The following RPA3 variants were observed in gnomAD, a reference collection of about 807,000 sequenced individuals.
RPA3 encodes replication protein A 14 kDa subunit.
In RPA3, 24 loss-of-function variants were observed where a neutral mutation model predicts 13.7. The observed-to-expected ratio is 1.75, with a 90% CI of 1.27 to 2.46. The LOEUF is 2.46. RPA3 is among the 30% of genes most tolerant of loss of function. The probability of loss-of-function intolerance (pLI) is 0.00; values close to 1 mark genes in which losing one functional copy is unlikely to be tolerated. For missense variants in RPA3, 183 were observed against 151.0 expected (o/e 1.21, Z -1.11); for synonymous variants, 59 against 51.2 (o/e 1.15, Z -0.65).
chr7:7,699,679 A>G (rs1240237826), intron 2 of RPA3, among the ~76,000 whole-genome samples: 1 of 152,244 alleles, frequency 6.6e-6, no homozygotes, highest in African/African-American at 2.4e-5. Context: ...CCCTAAAGCT[A>G]TATTGAGTGA....
In RPA3 at chr7:7,718,597, C is replaced by G. The variant is rs1563152240; in HGVS notation, c.-1162G>C. 3 of 152,160 alleles carry G rather than the reference C, an allele frequency of 2.0e-5. No homozygotes were observed. The highest frequency in any genetic ancestry group is 4.8e-5 in the African/African-American group (2 of 41,448). The allele number at this position is 152,160 out of a possible 1,614,324, so 9.4% of individuals were successfully genotyped here. A position where few individuals can be genotyped will look rare whatever the true frequency, so the allele number is the denominator to read the frequency against. On this transcript the variant is annotated 5_prime_UTR_variant, in exon 1 of 8. Transcript: ENST00000223129. ...AAAATGTCCTCTTGGAGCCTCTTAT[C>G]TGAGTAGCTTCTGTGGATCTGATGA...
intron 4 of RPA3, among the ~76,000 whole-genome samples, chr7:7,648,019 C>T (rs1257753626): frequency 6.6e-6 from 1 of 152,210 alleles, no homozygotes; most frequent in African/African-American, 2.4e-5. Context: ...CTAGGGGAGA[C>T]AAGACCCATG....
Position 7,712,785 on chromosome 7 carries a change from G to T in RPA3, c.-1028+2390C>A, listed in dbSNP as rs141878348. On this transcript the variant is annotated intron_variant, in intron 2 of 7. Transcript: ENST00000223129. ...GAATGCTTATAATGTTTGCAATTGT[G>T]AACTACTACATACAATACATTTTGT... 1.9e-3 allele frequency among the ~76,000 whole-genome samples: 289 copies of T among 152,250 alleles called. 3 individuals carry two copies. The highest frequency in any genetic ancestry group is 6.8e-3 in the African/African-American group (282 of 41,552).
Position 7,636,597 on chromosome 7 carries a change from C to T in RPA3, c.*403G>A, listed in dbSNP as rs974369697. 6.2e-6 allele frequency: 1 copy of T among 161,748 alleles called. No individual in the cohort carries two copies. The highest frequency in any genetic ancestry group is 2.4e-5 in the African/African-American group (1 of 41,536). 10.0% of individuals were successfully genotyped at this position (161,748 alleles called of 1,614,324 possible). On this transcript the variant is annotated 3_prime_UTR_variant, in exon 8 of 8. Coordinates refer to ENST00000223129, the MANE Select transcript of RPA3 (RefSeq NM_002947.5). ...ATAGTTTGGGAAAAGGTGAGCAAAT[C>T]CTTAACACAGCTGGCCCAAGGTTTT...
At chr7:7,704,928 C>T (rs1324721630) in intron 2 of RPA3, among the ~76,000 whole-genome samples, 2 of 151,962 alleles carry the variant, frequency 1.3e-5, no homozygotes, top group Non-Finnish European at 2.9e-5. Context: ...AGATTCTAAA[C>T]AGTATTCATC....
intron 4 of RPA3, among the ~76,000 whole-genome samples, chr7:7,654,094 G>C (rs778243367): frequency 6.6e-6 from 1 of 152,148 alleles, no homozygotes; most frequent in Non-Finnish European, 1.5e-5. Flanking sequence ...ATCACTGCTA[G>C]GCTACCCTTC....
chr7:7,683,902 C>T (rs115371543), intron 4 of RPA3, among the ~76,000 whole-genome samples: 2,736 of 152,242 alleles, frequency 0.018, 81 homozygotes, highest in African/African-American at 0.063. Context: ...GGATTATAGG[C>T]GTGAGCCACT....
At chr7:7,709,846 C>G (rs1008592254) in intron 2 of RPA3, among the ~76,000 whole-genome samples, 2 of 151,912 alleles carry the variant, frequency 1.3e-5, no homozygotes, top group Non-Finnish European at 2.9e-5. Flanking sequence ...GTGTACCCAC[C>G]AATTGGTTTA....
intron 1 of RPA3, among the ~76,000 whole-genome samples, chr7:7,715,953 A>G (rs1170751081): frequency 6.6e-6 from 1 of 152,254 alleles, no homozygotes; most frequent in Non-Finnish European, 1.5e-5. Context: ...AGGAGATAGT[A>G]TAAAACATAG....
intron 5 of RPA3, 152 bp from the exon 6 acceptor site, chr7:7,639,296 CTTATG>C (rs750124693): frequency 2.6e-5 from 15 of 571,556 alleles, no homozygotes; most frequent in Non-Finnish European, 4.3e-5. Context: ...AAATTATAAT[CTTATG>C]TTATCAAATC....
At chr7:7,668,057 C>A (rs538084144) in intron 4 of RPA3, among the ~76,000 whole-genome samples, 1 of 152,084 alleles carries the variant, frequency 6.6e-6, no homozygotes, top group Non-Finnish European at 1.5e-5. Flanking sequence ...GCTGGGACCA[C>A]AGGCACACAC....
At chr7:7,652,049 G>A (rs1785233844) in intron 4 of RPA3, among the ~76,000 whole-genome samples, 1 of 152,154 alleles carries the variant, frequency 6.6e-6, no homozygotes, top group African/African-American at 2.4e-5. Context: ...AGGAAATCTA[G>A]TCCTGTAAGA....
chr7:7,693,330 T>TCTATCTAC (rs1170184527), intron 2 of RPA3, among the ~76,000 whole-genome samples: 1 of 151,218 alleles, frequency 6.6e-6, no homozygotes, highest in Non-Finnish European at 1.5e-5. Context: ...TATCTATCTA[T>TCTATCTAC]CTATCTACAT....
chr7:7,717,449 A>G (rs1780944977), intron 1 of RPA3, among the ~76,000 whole-genome samples: 1 of 152,202 alleles, frequency 6.6e-6, no homozygotes, highest in African/African-American at 2.4e-5. Flanking sequence ...CGATAACCTC[A>G]GGTATTTACC....
intron 2 of RPA3, among the ~76,000 whole-genome samples, chr7:7,693,961 T>A (rs1583744656): frequency 6.6e-6 from 1 of 152,286 alleles, no homozygotes; most frequent in South Asian, 2.1e-4. Context: ...AGATCTCTCT[T>A]TTTGTTGCCA....
intron 1 of RPA3, among the ~76,000 whole-genome samples, chr7:7,717,888 A>G (rs1041381117): frequency 6.6e-6 from 1 of 152,232 alleles, no homozygotes; most frequent in Non-Finnish European, 1.5e-5. Flanking sequence ...ATGTCATGTG[A>G]AAATCTGTTT....
At chr7:7,648,855 A>AAAAG (rs1257532129) in intron 4 of RPA3, among the ~76,000 whole-genome samples, 6 of 151,118 alleles carry the variant, frequency 4.0e-5, no homozygotes, top group East Asian at 3.9e-4. Flanking sequence ...CCTGTCTCAA[A>AAAAG]AAAGAAAGAA....
intron 4 of RPA3, among the ~76,000 whole-genome samples, chr7:7,681,505 G>A (rs568852828): frequency 2.0e-5 from 3 of 152,158 alleles, no homozygotes; most frequent in East Asian, 1.9e-4. Context: ...TAGTGGTGCC[G>A]AATAAGAATA....
chr7:7,637,306 G>C (rs1381009362), intron 7 of RPA3, among the ~76,000 whole-genome samples: 1 of 152,072 alleles, frequency 6.6e-6, no homozygotes, highest in Admixed American at 6.6e-5. Context: ...TTTCTGCCTG[G>C]TAGTGTTTTG....
Sources: gnomAD v4.1 joint callset for allele counts (sites outside exome capture counted in the v4.1 genomes callset) on GRCh38, gnomAD v4.1.1 for gene constraint, MANE v1.5 for transcripts, NCBI Gene and HGNC (gene_info 2026-07-23, HGNC 2026-07-21) for gene names.